The following CMA1 variants were observed in gnomAD, a reference collection of about 807,000 sequenced individuals.
CMA1 encodes chymase.
Under a neutral mutation model 18.8 loss-of-function variants are expected in CMA1, and 24 were observed. That is an observed-to-expected ratio of 1.28 (90% CI 0.92 to 1.80). CMA1 has a LOEUF of 1.80. Ranked by LOEUF, CMA1 falls within the 40% of genes most tolerant of loss-of-function variation. CMA1 has a pLI of 0.00. For missense variants in CMA1, 421 were observed against 302.8 expected, an observed-to-expected ratio of 1.39 and a Z score of -2.90; for synonymous variants, 152 against 117.0, an observed-to-expected ratio of 1.30 and a Z score of -1.93.
chr14:24,507,987 C>A (rs1180060021), intron 1 of CMA1, 191 bp downstream of exon 1: 1 of 598,438 alleles, frequency 1.7e-6, no homozygotes, highest in Non-Finnish European at 2.9e-6. Flanking sequence ...TGGGGGCTGT[C>A]CTAGGCTGTA....
Position 24,505,493 on chromosome 14 carries a change from T to C in CMA1, c.*23A>G. 2 of 1,613,938 alleles carry C rather than the reference T, an allele frequency of 1.2e-6. No individual in the cohort carries two copies. The highest frequency in any genetic ancestry group is 1.7e-6 in the Non-Finnish European group (2 of 1,179,976). ...CTCAGGTCCAGTTCCAGCTTCCCTT[T>C]CAGGCTGGCTCAGGATCCAGGATTA... is the stretch of plus-strand genomic sequence containing the variant. On this transcript the variant is annotated 3_prime_UTR_variant, in exon 5 of 5. Transcript: ENST00000250378.
chr14:24,505,927 A>T, intron 4 of CMA1, 101 bp downstream of exon 4: 1 of 1,468,540 alleles, frequency 6.8e-7, no homozygotes, highest in Middle Eastern at 1.8e-4. Context: ...TGTGATGCTC[A>T]CCCTGTCACT....
At position 24,506,638 on chromosome 14, in the gene CMA1, C is replaced by T. The variant is rs373897252; in HGVS notation, c.210-34G>A. 3.5e-5 allele frequency: 56 copies of T among 1,610,458 alleles called. No individual in the cohort carries two copies. The African/African-American group carries it at 4.9e-4, about 14-fold the overall frequency. ...AGGAAGAAGGAAGGAAAAGGAGCGA[C>T]AGTGATGGCTTGGGGTTTCTTCTGA... On this transcript the variant is annotated intron_variant, in intron 2 of 4. Transcript: ENST00000250378.
chr14:24,505,711 C>G (rs2043847689), intron 4 of CMA1, 52 bp from the exon 5 acceptor site: 2 of 1,550,586 alleles, frequency 1.3e-6, no homozygotes, highest in East Asian at 4.5e-5. Context: ...TCCTCCACTC[C>G]TGTCTGCCAG....
intron 2 of CMA1, 86 bp downstream of exon 2, chr14:24,507,270 C>T: frequency 1.3e-6 from 2 of 1,522,502 alleles, no homozygotes; most frequent in Non-Finnish European, 1.8e-6. Flanking sequence ...AGGACCCCCT[C>T]TTCAGTCCCC....
chr14:24,505,428 G>T lies in CMA1; in HGVS notation c.*88C>A. Reference sequence around the variant, plus strand: ...TGGAGGCTTAGGGTTGTGGCTGAGGGACCAAGGGTAGACCAGAATGAGTGG... The same window carrying T: ...TGGAGGCTTAGGGTTGTGGCTGAGGTACCAAGGGTAGACCAGAATGAGTGG... On this transcript the variant is annotated 3_prime_UTR_variant, in exon 5 of 5. Coordinates refer to ENST00000250378, the MANE Select transcript of CMA1 (RefSeq NM_001836.5). 6.4e-7 allele frequency: 1 copy of T among 1,564,198 alleles called. No individual in the cohort carries two copies. The highest frequency in any genetic ancestry group is 8.8e-7 in the Non-Finnish European group (1 of 1,137,180).
chr14:24,507,096 G>A (rs2043863826), intron 2 of CMA1, among the ~76,000 whole-genome samples: 2 of 152,176 alleles, frequency 1.3e-5, no homozygotes, highest in Non-Finnish European at 1.5e-5. Flanking sequence ...CTTGAGTTGG[G>A]TAGGGGTGAG....
rs1213168433 is a variant in CMA1 at position 24,505,595 on chromosome 14, G to A, written c.665C>T (p.Ser222Leu). The change falls in exon 5 of 5, where the codon TCG (serine) becomes TTG (leucine). Residue 222 changes from serine (S) to leucine (L), a missense_variant. Physicochemically the swap from Ser to Leu is moderately radical, Grantham distance 145. Transcript: ENST00000250378. ...VAQGIVSYGRSDAKPPAVFTR... is the reference protein window; with the variant it reads ...VAQGIVSYGRLDAKPPAVFTR... The stretch of plus-strand genomic sequence containing the variant: ...GAAGACAGCAGGGGGCTTTGCATCC[G>A]ACCGTCCATAGGATACGATGCCCTG... The A allele has an allele frequency of 8.1e-6, 13 of 1,613,930 alleles. No individual in the cohort carries two copies. Among genetic ancestry groups the A allele is most frequent in the South Asian group, 3.3e-5 (3 of 91,062 alleles).
In CMA1 at chr14:24,506,248, C is replaced by T. The variant is rs755848834; in HGVS notation, c.380G>A (p.Gly127Glu). 42 of 1,613,952 alleles carry T rather than the reference C, an allele frequency of 2.6e-5. No individual in the cohort carries two copies. Among genetic ancestry groups the T allele is most frequent in the Non-Finnish European group, 3.2e-5 (38 of 1,180,014 alleles). ...KEKASLTLAV[G>E]TLPFPSQFNF... ...GAATTGGGATGGGAAGGGGAGTGTC[C>T]CCACAGCCAGGGTCAGGCTGGCTTT... The change falls in exon 4 of 5, where the codon GGG (glycine) becomes GAG (glutamate). Residue 127 changes from glycine (G) to glutamate (E), a missense_variant. Coordinates refer to ENST00000250378, the MANE Select transcript of CMA1 (RefSeq NM_001836.5).
intron 1 of CMA1, 118 bp from the exon 2 acceptor site, chr14:24,507,624 GC>G: frequency 8.3e-7 from 1 of 1,205,130 alleles, no homozygotes; most frequent in Non-Finnish European, 1.2e-6. Context: ...CCTGTGTTCC[GC>G]CCATCTTCCC....
chr14:24,506,097 G>A lies in CMA1; in HGVS notation c.531C>T (p.His177=). ...LRLMDPQACS[H]FRDFDHNLQL... ...GAAGATTGTGGTCAAAGTCTCTGAA[G>A]TGGCTGCAGGCCTGGGGATCCATGA... Residue 177 remains histidine, a synonymous_variant, in exon 4 of 5, where the codon CAC becomes CAT. Coordinates refer to ENST00000250378, the MANE Select transcript of CMA1 (RefSeq NM_001836.5). The A allele has an allele frequency of 6.2e-7, 1 of 1,614,236 alleles. No homozygotes were observed. Among genetic ancestry groups the A allele is most frequent in the African/African-American group, 1.3e-5 (1 of 75,064 alleles).
Position 24,506,184 on chromosome 14 carries a change from G to T in CMA1, c.444C>A (p.Gly148=). Residue 148 remains glycine (G), a synonymous_variant, in exon 4 of 5, where the codon GGC becomes GGA. Coordinates refer to ENST00000250378, the MANE Select transcript of CMA1 (RefSeq NM_001836.5). ...VPPGRMCRVA[G]WGRTGVLKPG... The stretch of plus-strand genomic sequence containing the variant: ...GCTTCAACACACCTGTTCTTCCCCA[G>T]CCAGCCACCCGGCACATTCTCCCAG... The T allele has an allele frequency of 6.2e-7, 1 of 1,614,162 alleles. No individual in the cohort carries two copies. Among genetic ancestry groups the T allele is most frequent in the Non-Finnish European group, 8.5e-7 (1 of 1,180,034 alleles).
In CMA1 at chr14:24,505,394, G is replaced by T; in HGVS notation, c.*122C>A. 1 of 1,270,670 alleles carries T rather than the reference G, an allele frequency of 7.9e-7. No individual in the cohort carries two copies. The highest frequency in any genetic ancestry group is 1.1e-6 in the Non-Finnish European group (1 of 881,688). The allele number at this position is 1,270,670 out of a possible 1,614,324, so 78.7% of individuals were successfully genotyped here. On this transcript the variant is annotated 3_prime_UTR_variant, in exon 5 of 5. Coordinates refer to ENST00000250378, the MANE Select transcript of CMA1 (RefSeq NM_001836.5). The stretch of plus-strand genomic sequence containing the variant: ...TTTATTGAGAGTTCTGTGACCTGTA[G>T]GATACTTCTGGAGGCTTAGGGTTGT...
chr14:24,507,627 C>T (rs2043869853), intron 1 of CMA1, 121 bp from the exon 2 acceptor site: 1 of 1,146,216 alleles, frequency 8.7e-7, no homozygotes, highest in African/African-American at 1.6e-5. Flanking sequence ...GTGTTCCGCC[C>T]ATCTTCCCTC....
chr14:24,507,379 C>T lies in CMA1; in HGVS notation c.186G>A (p.Leu62=). 1 of 1,614,176 alleles carries T rather than the reference C, an allele frequency of 6.2e-7. No individual in the cohort carries two copies. Among genetic ancestry groups the T allele is most frequent in the Non-Finnish European group, 8.5e-7 (1 of 1,180,028 alleles). The change falls in exon 2 of 5, where the codon CTG becomes CTA. Residue 62 remains leucine (L), a synonymous_variant. Coordinates refer to ENST00000250378, the MANE Select transcript of CMA1 (RefSeq NM_001836.5). Reference sequence around the variant, plus strand: ...ACCTTCCTGCACAATGAGCAGCCGTCAGCACAAAGTTCCGTCTTATAAGGA... The same window carrying T: ...ACCTTCCTGCACAATGAGCAGCCGTTAGCACAAAGTTCCGTCTTATAAGGA... ...GGFLIRRNFV[L]TAAHCAGRSI...
At chr14:24,507,634 C>T in intron 1 of CMA1, 128 bp from the exon 2 acceptor site, 1 of 1,071,900 alleles carries the variant, frequency 9.3e-7, no homozygotes, top group South Asian at 1.5e-5. Context: ...GCCCATCTTC[C>T]CTCTCCTGTC....
At chr14:24,506,965 T>G (rs1033378215) in intron 2 of CMA1, among the ~76,000 whole-genome samples, 2 of 152,144 alleles carry the variant, frequency 1.3e-5, no homozygotes, top group African/African-American at 4.8e-5. Flanking sequence ...TAGACCCTGT[T>G]CTCTGCCTCC....
chr14:24,507,104 G>A (rs1355652511), intron 2 of CMA1, among the ~76,000 whole-genome samples: 3 of 152,176 alleles, frequency 2.0e-5, no homozygotes, highest in South Asian at 2.1e-4. Flanking sequence ...GGGTAGGGGT[G>A]AGGGGTGCTA....
chr14:24,507,276 TC>T, intron 2 of CMA1, 79 bp downstream of exon 2: 2 of 1,538,048 alleles, frequency 1.3e-6, no homozygotes, highest in Admixed American at 1.7e-5. Context: ...CCCTCTTCAG[TC>T]CCCAGTGCAG....
Sources: allele counts gnomAD v4.1 joint callset (sites outside exome capture counted in the v4.1 genomes callset), GRCh38; gene constraint gnomAD v4.1.1; transcripts MANE v1.5; gene names NCBI Gene and HGNC (gene_info 2026-07-23, HGNC 2026-07-21).